The following CBX1 variants were observed in gnomAD, a reference collection of about 807,000 sequenced individuals.
The protein encoded by CBX1 is chromobox protein homolog 1.
CBX1 carries 10 observed loss-of-function variants against 25.1 expected under a neutral mutation model. That is an observed-to-expected ratio of 0.40 (90% CI 0.25 to 0.68). The LOEUF is 0.68. CBX1 is among the 30% of genes least tolerant of loss of function. The pLI, the probability that CBX1 is intolerant of heterozygous loss-of-function variation, is 0.40. For synonymous variants in CBX1, 63 were observed against 79.4 expected (o/e 0.79, Z 1.10); for missense variants, 106 against 218.5 (o/e 0.49, Z 3.25).
intron 2 of CBX1, among the ~76,000 whole-genome samples, chr17:48,076,663 C>G (rs138971356): frequency 6.6e-6 from 1 of 152,086 alleles, no homozygotes; most frequent in Non-Finnish European, 1.5e-5. Flanking sequence ...AGAGCGAGAC[C>G]TCGTCTCAAA....
At chr17:48,095,081 CT>C (rs1416677925) in intron 1 of CBX1, among the ~76,000 whole-genome samples, 1 of 152,018 alleles carries the variant, frequency 6.6e-6, no homozygotes, top group East Asian at 1.9e-4. Context: ...AAGTAGTGTG[CT>C]CCTGTACAGG....
At chr17:48,095,392 C>T (rs1007406469) in intron 1 of CBX1, among the ~76,000 whole-genome samples, 1 of 152,068 alleles carries the variant, frequency 6.6e-6, no homozygotes, top group African/African-American at 2.4e-5. Flanking sequence ...GAGTTCGAGA[C>T]CAGCCTGACC....
chr17:48,071,594 A>T lies in CBX1; in HGVS notation c.414-15T>A. The T allele has an allele frequency of 6.3e-7, 1 of 1,585,034 alleles. No homozygotes were observed. ...CAGAGTTTTTCCTGCAGAATAAAGC[A>T]AAGAGAGACTTTGAGACCAGGTGCT... On this transcript the variant is annotated splice_polypyrimidine_tract_variant and intron_variant, in intron 4 of 4. Transcript: ENST00000225603.
At position 48,089,157 on chromosome 17, in the gene CBX1, G is replaced by A. The variant is rs941445135; in HGVS notation, c.-38+12111C>T. On this transcript the variant is annotated intron_variant, in intron 1 of 4. Coordinates refer to ENST00000225603, the MANE Select transcript of CBX1 (RefSeq NM_001127228.2). ...ACTCAGTCGCCCAGGCTGGAGTGCA[G>A]TGGTGTGATCTCGGCTCACTGAAAG... is the stretch of plus-strand genomic sequence containing the variant. Among the ~76,000 whole-genome samples, 3 of 146,716 alleles carry A rather than the reference G, an allele frequency of 2.0e-5. No individual in the cohort carries two copies. In the Admixed American group the frequency reaches 2.1e-4, roughly 10 times the overall value.
At chr17:48,077,446 T>C (rs1342859286) in intron 1 of CBX1, among the ~76,000 whole-genome samples, 2 of 37,142 alleles carry the variant, frequency 5.4e-5, no homozygotes, top group Non-Finnish European at 1.1e-4. Context: ...TTTTTTTTTG[T>C]TTTTTTTGTT....
chr17:48,075,853 A>C, intron 3 of CBX1, 148 bp downstream of exon 3: 1 of 569,796 alleles, frequency 1.8e-6, no homozygotes, highest in Non-Finnish European at 3.0e-6. Context: ...GCTTCATGAC[A>C]GTACACTCTC....
chr17:48,088,513 G>A (rs2063325493), intron 1 of CBX1, among the ~76,000 whole-genome samples: 1 of 151,706 alleles, frequency 6.6e-6, no homozygotes, highest in Non-Finnish European at 1.5e-5. Flanking sequence ...CAGCTATTCA[G>A]GAGGCTGAGG....
chr17:48,074,924 C>T (rs543219851), intron 4 of CBX1, 82 bp downstream of exon 4: 17 of 981,822 alleles, frequency 1.7e-5, no homozygotes, highest in South Asian at 1.7e-4. Context: ...ATTGGAATTT[C>T]GAAGGTCCAG....
intron 1 of CBX1, chr17:48,100,682 A>G (rs1341163629): frequency 2.0e-6 from 2 of 979,922 alleles, no homozygotes; most frequent in African/African-American, 3.5e-5. Context: ...CAGGCCCAGC[A>G]AACGCCTGCC....
chr17:48,094,957 G>A (rs2063365334), intron 1 of CBX1, among the ~76,000 whole-genome samples: 1 of 150,520 alleles, frequency 6.6e-6, no homozygotes, highest in African/African-American at 2.4e-5. Context: ...TGGGGCACAA[G>A]AATTACTTGA....
chr17:48,077,430 GT>G (rs1225892452), intron 1 of CBX1, among the ~76,000 whole-genome samples: 2 of 56,456 alleles, frequency 3.5e-5, no homozygotes, highest in African/African-American at 1.0e-4. Context: ...GCTAATTTTT[GT>G]TGTTTTTTTT....
chr17:48,082,485 G>C (rs945678782), intron 1 of CBX1, among the ~76,000 whole-genome samples: 6 of 117,570 alleles, frequency 5.1e-5, no homozygotes, highest in Non-Finnish European at 8.2e-5. Context: ...CTGGGGGACA[G>C]AGCGAGACTC....
At chr17:48,079,372 C>A (rs1214347055) in intron 1 of CBX1, among the ~76,000 whole-genome samples, 1 of 152,210 alleles carries the variant, frequency 6.6e-6, no homozygotes, top group Non-Finnish European at 1.5e-5. Context: ...TCCCAAAGTG[C>A]TGGGATTACA....
chr17:48,076,565 G>C (rs1433250392), intron 2 of CBX1, among the ~76,000 whole-genome samples: 2 of 152,150 alleles, frequency 1.3e-5, no homozygotes, highest in African/African-American at 4.8e-5. Context: ...CAGCTACTTA[G>C]AAGGCTGAGG....
chr17:48,073,135 A>G (rs529982929), intron 4 of CBX1, among the ~76,000 whole-genome samples: 2 of 151,686 alleles, frequency 1.3e-5, no homozygotes, highest in African/African-American at 4.8e-5. Flanking sequence ...TAAAAAAAAA[A>G]CAAACTCTTA....
At chr17:48,081,751 CT>C (rs1292653077) in intron 1 of CBX1, among the ~76,000 whole-genome samples, 2 of 152,038 alleles carry the variant, frequency 1.3e-5, no homozygotes, top group African/African-American at 4.8e-5. Context: ...CCTTTCCTTA[CT>C]TTTTAAGTAC....
intron 1 of CBX1, 109 bp from the exon 2 acceptor site, chr17:48,077,150 T>G: frequency 1.2e-6 from 1 of 809,816 alleles, no homozygotes; most frequent in Non-Finnish European, 1.9e-6. Flanking sequence ...TATTGTATGC[T>G]GCTTATAGTA....
chr17:48,084,274 CT>C (rs11310689), intron 1 of CBX1, among the ~76,000 whole-genome samples: 136,819 of 136,822 alleles, frequency 1, 68,408 homozygotes, highest in Middle Eastern at 1. Flanking sequence ...TGCAGTGGTG[CT>C]AATCATCATG....
chr17:48,095,693 G>A (rs1232499676), intron 1 of CBX1: 3 of 152,220 alleles, frequency 2.0e-5, no homozygotes, highest in Non-Finnish European at 4.4e-5. Context: ...ACCTTTTGTT[G>A]AAAGAATCAG....
Sources: allele counts gnomAD v4.1 joint callset (sites outside exome capture counted in the v4.1 genomes callset), GRCh38; gene constraint gnomAD v4.1.1; transcripts MANE v1.5; gene names NCBI Gene and HGNC (gene_info 2026-07-23, HGNC 2026-07-21).